Variants in SGCZ observed in about 807,000 individuals in gnomAD.
The protein encoded by SGCZ is sarcoglycan zeta.
In SGCZ, 40 loss-of-function variants were observed where a neutral mutation model predicts 41.3. The observed-to-expected ratio is 0.97, with a 90% CI of 0.75 to 1.26. The LOEUF (loss-of-function observed/expected upper bound fraction) is 1.26. SGCZ is among the 50% of genes most tolerant of loss of function. SGCZ has a pLI of 0.00. For missense variants in SGCZ, 552 were observed against 369.8 expected (o/e 1.49, Z -4.04); for synonymous variants, 206 against 137.5 (o/e 1.50, Z -3.49).
chr8:15,109,890 G>A (rs1214574287), intron 1 of SGCZ, among the ~76,000 whole-genome samples: 2 of 152,066 alleles, frequency 1.3e-5, no homozygotes, highest in Non-Finnish European at 2.9e-5. Flanking sequence ...CTCTTTATGG[G>A]CAATTTTCTT....
At chr8:15,207,956 T>C (rs1801121461) in intron 1 of SGCZ, among the ~76,000 whole-genome samples, 1 of 152,194 alleles carries the variant, frequency 6.6e-6, no homozygotes, top group Non-Finnish European at 1.5e-5. Flanking sequence ...GACTGGTGAA[T>C]GTCTGTCATT....
At chr8:14,539,445 T>C (rs1803391800) in intron 2 of SGCZ, among the ~76,000 whole-genome samples, 1 of 151,986 alleles carries the variant, frequency 6.6e-6, no homozygotes, top group South Asian at 2.1e-4. Context: ...AGGCAAGTTT[T>C]ATTCTGGGCA....
intron 1 of SGCZ, among the ~76,000 whole-genome samples, chr8:14,978,506 A>AAATTT (rs1801560741): frequency 7.4e-6 from 1 of 135,994 alleles, no homozygotes; most frequent in Non-Finnish European, 1.6e-5. Flanking sequence ...AAAAAAAAAA[A>AAATTT]TTGTATCTGC....
chr8:15,210,575 T>C (rs1050857989), intron 1 of SGCZ, among the ~76,000 whole-genome samples: 1 of 152,166 alleles, frequency 6.6e-6, no homozygotes, highest in Admixed American at 6.5e-5. Context: ...GCTGACTTTG[T>C]AACCACTCAC....
At chr8:14,307,849 A>G (rs998184757) in intron 3 of SGCZ, among the ~76,000 whole-genome samples, 1 of 152,130 alleles carries the variant, frequency 6.6e-6, no homozygotes, top group Non-Finnish European at 1.5e-5. Context: ...GCAATGTGGT[A>G]AAACAATTTT....
Position 14,542,918 on chromosome 8 carries a change from G to T in SGCZ, c.234+11814C>A, listed in dbSNP as rs542000558. Reference sequence around the variant, plus strand: ...TATTACCTTTTTTTTAACAAATGAAGTTAATAACACTGACATATATAGGGC... The same window carrying T: ...TATTACCTTTTTTTTAACAAATGAATTTAATAACACTGACATATATAGGGC... On this transcript the variant is annotated intron_variant, in intron 2 of 7. Transcript: ENST00000382080. Among the ~76,000 whole-genome samples the T allele has an allele frequency of 2.0e-5, 3 of 151,870 alleles. 1 individual carries two copies. Among genetic ancestry groups the T allele is most frequent in the African/African-American group, 7.2e-5 (3 of 41,462 alleles).
At chr8:15,220,881 G>A (rs888371537) in intron 1 of SGCZ, among the ~76,000 whole-genome samples, 6 of 152,112 alleles carry the variant, frequency 3.9e-5, no homozygotes, top group African/African-American at 9.7e-5. Context: ...GATGAAGCAG[G>A]AAACCATCAT....
intron 3 of SGCZ, among the ~76,000 whole-genome samples, chr8:14,249,280 A>T (rs929997802): frequency 6.6e-6 from 1 of 152,146 alleles, no homozygotes; most frequent in African/African-American, 2.4e-5. Flanking sequence ...AACTTACACC[A>T]TTGGCGCTTT....
chr8:14,123,959 C>T (rs1802776147), intron 5 of SGCZ, among the ~76,000 whole-genome samples: 1 of 152,116 alleles, frequency 6.6e-6, no homozygotes, highest in East Asian at 1.9e-4. Context: ...AGACAGTTGG[C>T]TAATGTTGTT....
At chr8:14,505,342 G>C (rs1416978244) in intron 2 of SGCZ, among the ~76,000 whole-genome samples, 1 of 152,094 alleles carries the variant, frequency 6.6e-6, no homozygotes, top group Non-Finnish European at 1.5e-5. Context: ...CCAGAGTAAA[G>C]AGCGCCAGTT....
intron 1 of SGCZ, among the ~76,000 whole-genome samples, chr8:14,844,866 A>G (rs1176681082): frequency 6.6e-6 from 1 of 152,152 alleles, no homozygotes; most frequent in African/African-American, 2.4e-5. Context: ...GAAACATACA[A>G]TGCAAGCCTT....
chr8:15,002,270 A>G (rs957566722), intron 1 of SGCZ, among the ~76,000 whole-genome samples: 1 of 152,170 alleles, frequency 6.6e-6, no homozygotes, highest in Non-Finnish European at 1.5e-5. Flanking sequence ...CCTTTAAGAA[A>G]ACTGAAAGAT....
intron 2 of SGCZ, among the ~76,000 whole-genome samples, chr8:14,397,292 T>C (rs954060036): frequency 6.6e-6 from 1 of 152,158 alleles, no homozygotes; most frequent in Non-Finnish European, 1.5e-5. Context: ...ATAGTATTTC[T>C]GATGTAAAAA....
intron 1 of SGCZ, among the ~76,000 whole-genome samples, chr8:14,816,395 A>G (rs1022034074): frequency 6.6e-6 from 1 of 152,230 alleles, no homozygotes; most frequent in African/African-American, 2.4e-5. Context: ...GTAATACAGG[A>G]TACCTCAGAC....
chr8:14,297,449 G>A (rs1008526546), intron 3 of SGCZ, among the ~76,000 whole-genome samples: 1 of 151,332 alleles, frequency 6.6e-6, no homozygotes, highest in Non-Finnish European at 1.5e-5. Context: ...AAAGGGAAAA[G>A]TATCAAAAAC....
intron 1 of SGCZ, among the ~76,000 whole-genome samples, chr8:15,001,888 G>C (rs1268742764): frequency 9.9e-5 from 15 of 152,100 alleles, no homozygotes; most frequent in Admixed American, 8.5e-4. Flanking sequence ...CAGCTGCATG[G>C]TTAGTAAGTG....
At chr8:14,780,364 G>C (rs1431056349) in intron 1 of SGCZ, among the ~76,000 whole-genome samples, 5 of 133,216 alleles carry the variant, frequency 3.8e-5, no homozygotes, top group Middle Eastern at 4.4e-3. Context: ...CACAGAGTGA[G>C]ACTCCATCTC....
At chr8:14,790,849 G>C (rs200511420) in intron 1 of SGCZ, among the ~76,000 whole-genome samples, 1 of 151,938 alleles carries the variant, frequency 6.6e-6, no homozygotes, top group East Asian at 1.9e-4. Context: ...TGGCCAACAT[G>C]GTGAAACTCG....
chr8:14,173,842 A>T (rs924212658), intron 4 of SGCZ, among the ~76,000 whole-genome samples: 2 of 152,136 alleles, frequency 1.3e-5, no homozygotes, highest in Admixed American at 1.3e-4. Flanking sequence ...ACTGCCATAA[A>T]ATTCTTACAA....
Sources: gnomAD v4.1 joint callset for allele counts (sites outside exome capture counted in the v4.1 genomes callset) on GRCh38, gnomAD v4.1.1 for gene constraint, MANE v1.5 for transcripts, NCBI Gene and HGNC (gene_info 2026-07-23, HGNC 2026-07-21) for gene names.